Variants in ZSWIM4 observed in about 807,000 individuals in gnomAD.
ZSWIM4 encodes the protein zinc finger SWIM domain-containing protein 4.
A neutral mutation model predicts 102.5 loss-of-function variants in ZSWIM4; 62 were observed. The ratio of observed to expected loss-of-function variants is 0.60; its 90% CI spans 0.49 to 0.75. ZSWIM4 has a LOEUF of 0.75. ZSWIM4 is among the 30% of genes least tolerant of loss of function. The probability of loss-of-function intolerance (pLI) is 0.00; values close to 1 mark genes in which losing one functional copy is unlikely to be tolerated. For missense variants in ZSWIM4, 1,280 were observed against 1,529.6 expected (o/e 0.84, Z 2.72); for synonymous variants, 652 against 674.5 (o/e 0.97, Z 0.52).
Position 13,825,391 on chromosome 19 carries a change from T to C in ZSWIM4, c.2216-159T>C, listed in dbSNP as rs565064463. ...GATAATTGGCAAGGGCTAGGGGCAC[T>C]GAGGTCTGAATCTTCACAGAACCAT... On this transcript the variant is annotated intron_variant, in intron 11 of 13. Transcript: ENST00000590508. This position sits in a 1 kb window ranked among gnomAD's most constrained non-coding sequence, Gnocchi z 4.6. 6.6e-6 allele frequency among the ~76,000 whole-genome samples: 1 copy of C among 152,270 alleles called. No individual in the cohort carries two copies. Among genetic ancestry groups the C allele is most frequent in the East Asian group, 1.9e-4 (1 of 5,164 alleles).
At chr19:13,804,700 C>CTA in intron 2 of ZSWIM4, 92 bp from the exon 3 acceptor site, 5 of 1,040,128 alleles carry the variant, frequency 4.8e-6, no homozygotes, top group Non-Finnish European at 7.0e-6. Flanking sequence ...TGAAGTGACT[C>CTA]GGCTGGGCTT....
rs769943798 is a variant in ZSWIM4 at position 13,830,232 on chromosome 19, T to A, written c.2503T>A (p.Leu835Ile). ...LMNIMQNWYS[L>I]FTPVEAATIV... ...GAATATCATGCAGAACTGGTATTCC[T>A]TATTCACACCAGTGGAGGCGGCTAC... Residue 835 changes from leucine to isoleucine, a missense_variant, in exon 14 of 14, where the codon TTA becomes ATA. Coordinates refer to ENST00000590508, the MANE Select transcript of ZSWIM4 (RefSeq NM_001367834.3). 22 of 1,613,790 alleles carry A rather than the reference T, an allele frequency of 1.4e-5. No individual in the cohort carries two copies. The highest frequency in any genetic ancestry group is 1.8e-5 in the Non-Finnish European group (21 of 1,180,032).
rs1268642755 is a variant in ZSWIM4 at position 13,817,940 on chromosome 19, C to T, written c.1888C>T (p.Gln630Ter). ...GGTGGAGTTGGATGAGCGGTTGGTG[C>T]AGGTGCTGCGCAAGCAGGCGGGGCT... Reference protein sequence around the residue: ...EEVELDERLVQVLRKQAGLLL... With the variant: ...EEVELDERLV The change falls in exon 9 of 14, where the codon CAG becomes TAG. Residue 630 changes from glutamine (Q) to a stop codon, truncating the protein, a stop_gained. Coordinates refer to ENST00000590508, the MANE Select transcript of ZSWIM4 (RefSeq NM_001367834.3). LOFTEE classifies it high-confidence loss of function. The T allele has an allele frequency of 1.3e-6, 2 of 1,536,236 alleles. No individual in the cohort carries two copies. Among genetic ancestry groups the T allele is most frequent in the Non-Finnish European group, 1.8e-6 (2 of 1,139,586 alleles).
At chr19:13,822,979 CAA>C (rs113776275) in intron 10 of ZSWIM4, among the ~76,000 whole-genome samples, 62 of 112,886 alleles carry the variant, frequency 5.5e-4, no homozygotes, top group African/African-American at 1.5e-3. Context: ...AACTCCGTCT[CAA>C]AAAAAAAAAA....
intron 5 of ZSWIM4, among the ~76,000 whole-genome samples, chr19:13,811,797 C>T (rs554626692): frequency 4.6e-5 from 7 of 152,110 alleles, no homozygotes; most frequent in African/African-American, 7.2e-5. Flanking sequence ...AAAAATAGGC[C>T]GGGTGCAGTG....
chr19:13,830,936 C>A lies in ZSWIM4; in HGVS notation c.3207C>A (p.Thr1069=), dbSNP rs1407397438. ...AATTCCTGGGCAAGGCCCGGGAGACCTTCCTGCTGGCGCCCGACGGGCACC... is the reference window on the plus strand; with the variant it reads ...AATTCCTGGGCAAGGCCCGGGAGACATTCCTGCTGGCGCCCGACGGGCACC... ...FIEFLGKARE[T]FLLAPDGHLQ... is the part of the protein sequence containing the mutation. Residue 1069 remains threonine, a synonymous_variant, in exon 14 of 14, where the codon ACC becomes ACA. Transcript: ENST00000590508. 4 of 1,614,116 alleles carry A rather than the reference C, an allele frequency of 2.5e-6. No homozygotes were observed. The African/African-American group carries it at 5.3e-5, about 22-fold the overall frequency.
rs1246182968 is a variant in ZSWIM4, at chr19:13,825,212, G to A, written c.2216-338G>A. On this transcript the variant is annotated intron_variant, in intron 11 of 13. Transcript: ENST00000590508. The surrounding 1 kb of genome is among the most constrained non-coding windows in gnomAD (Gnocchi z 4.6). ...CCGCCACCATGCCCAGCTAATTTTT[G>A]TAGATGGGGTTTCGCCATGTTGGCC... 6.6e-6 allele frequency among the ~76,000 whole-genome samples: 1 copy of A among 151,882 alleles called. No homozygotes were observed. Among genetic ancestry groups the A allele is most frequent in the East Asian group, 1.9e-4 (1 of 5,170 alleles).
intron 1 of ZSWIM4, 49 bp downstream of exon 1, chr19:13,795,850 TCCCCACCTGTCTTCTCCTC>T: frequency 8.8e-7 from 1 of 1,142,672 alleles, no homozygotes; most frequent in Non-Finnish European, 1.1e-6. Flanking sequence ...CCCAGCACCT[TCCCCACCTGTCTTCTCCTC>T]CCCCACAATC....
intron 10 of ZSWIM4, among the ~76,000 whole-genome samples, chr19:13,819,847 GTT>G (rs869187893): frequency 8.4e-5 from 9 of 106,664 alleles, no homozygotes; most frequent in African/African-American, 1.5e-4. Flanking sequence ...TTTGTTTTTT[GTT>G]TTTTTTTTTT....
At chr19:13,823,287 C>A (rs1032373710) in intron 10 of ZSWIM4, 59 bp from the exon 11 acceptor site, 135 of 1,557,390 alleles carry the variant, frequency 8.7e-5, no homozygotes, top group Non-Finnish European at 1.1e-4. Flanking sequence ...TCTCTGTCTC[C>A]TAGAGAGAAT....
chr19:13,817,889 G>C lies in ZSWIM4; in HGVS notation c.1837G>C (p.Glu613Gln). 6 of 1,550,734 alleles carry C rather than the reference G, an allele frequency of 3.9e-6. No individual in the cohort carries two copies. Among genetic ancestry groups the C allele is most frequent in the Non-Finnish European group, 5.2e-6 (6 of 1,146,670 alleles). Residue 613 changes from glutamate (E) to glutamine (Q), a missense_variant, in exon 9 of 14, where the codon GAG becomes CAG. By Grantham distance (29) the Glu-to-Gln change is conservative. Coordinates refer to ENST00000590508, the MANE Select transcript of ZSWIM4 (RefSeq NM_001367834.3). ...CCAGGACAAGGTGGTGCGCAACGAGGAGCAGCTGCTGGCCCTGCTGGAGGA... is the reference window on the plus strand; with the variant it reads ...CCAGGACAAGGTGGTGCGCAACGAGCAGCAGCTGCTGGCCCTGCTGGAGGA... ...YAQDKVVRNE[E>Q]QLLALLEEVE...
intron 2 of ZSWIM4, among the ~76,000 whole-genome samples, chr19:13,801,058 G>A (rs2594719): frequency 0.45 from 67,907 of 151,642 alleles, 18,548 homozygotes; most frequent in African/African-American, 0.78. Context: ...CAGGAGGATC[G>A]CTTTTGCCCG....
At chr19:13,814,963 C>A in intron 7 of ZSWIM4, 98 bp downstream of exon 7, 2 of 691,020 alleles carry the variant, frequency 2.9e-6, no homozygotes, top group South Asian at 2.2e-5. Flanking sequence ...TCAACATCAG[C>A]CTGGGCAACA....
chr19:13,817,347 T>C lies in ZSWIM4; in HGVS notation c.1663T>C (p.Tyr555His), dbSNP rs776606416. 290 of 1,612,926 alleles carry C rather than the reference T, an allele frequency of 1.8e-4. No individual in the cohort carries two copies. The highest frequency in any genetic ancestry group is 2.4e-4 in the Non-Finnish European group (283 of 1,179,316). Residue 555 changes from tyrosine (Y) to histidine (H), a missense_variant, in exon 8 of 14, where the codon TAC becomes CAC. Physicochemically the swap from Tyr to His is moderately conservative, Grantham distance 83. Coordinates refer to ENST00000590508, the MANE Select transcript of ZSWIM4 (RefSeq NM_001367834.3). The part of the protein sequence containing the change: ...CRLEEETLTL[Y>H]PDSGPEKRKV... Reference sequence around the variant, plus strand: ...TCTGGAGGAGGAGACACTTACCCTTTACCCAGGTACTCACATGGGGTACTC... The same window carrying C: ...TCTGGAGGAGGAGACACTTACCCTTCACCCAGGTACTCACATGGGGTACTC...
Position 13,809,263 on chromosome 19 carries a change from G to A in ZSWIM4, c.1012+43G>A. On this transcript the variant is annotated intron_variant, in intron 5 of 13. Transcript: ENST00000590508. The surrounding 1 kb of genome is among the most constrained non-coding windows in gnomAD (Gnocchi z 4.2). ...GTGCGTGGTGGACACCGGGACTTCG[G>A]CTCCCATGGGGGCTGGCCCACTCCA... 1 of 1,556,584 alleles carries A rather than the reference G, an allele frequency of 6.4e-7. No individual in the cohort carries two copies.
chr19:13,819,550 T>G (rs962617223), intron 10 of ZSWIM4, 58 bp downstream of exon 10: 92 of 1,444,036 alleles, frequency 6.4e-5, no homozygotes, highest in African/African-American at 1.4e-5. Flanking sequence ...GGGGCGGGCA[T>G]GGGGGGTAGC....
chr19:13,829,105 GA>G (rs372717096), intron 13 of ZSWIM4, among the ~76,000 whole-genome samples: 5,876 of 143,246 alleles, frequency 0.041, 400 homozygotes, highest in African/African-American at 0.14. Context: ...CCTCCTCTGG[GA>G]AAAAAAAAAG....
chr19:13,806,464 C>G (rs1292434357), intron 3 of ZSWIM4, among the ~76,000 whole-genome samples: 1 of 151,918 alleles, frequency 6.6e-6, no homozygotes, highest in Admixed American at 6.6e-5. Context: ...ACCAGCAGTT[C>G]AAGACCGGCC....
At position 13,825,622 on chromosome 19, in the gene ZSWIM4, AGCTGGC is replaced by A; in HGVS notation, c.2291_2296del (p.Leu764_Ala765del). On this transcript the variant is annotated inframe_deletion, in exon 12 of 14. Coordinates refer to ENST00000590508, the MANE Select transcript of ZSWIM4 (RefSeq NM_001367834.3). This position sits in a 1 kb window ranked among gnomAD's most constrained non-coding sequence, Gnocchi z 4.6. ...ATCCACTCTCCGGCCCTGCTCTTTA[AGCTGGC>A]GCAGGACGCCTGCAAGACAGCCACC... The A allele has an allele frequency of 6.2e-7, 1 of 1,614,148 alleles. No individual in the cohort carries two copies. The highest frequency in any genetic ancestry group is 2.2e-5 in the East Asian group (1 of 44,876).
Sources: gnomAD v4.1 joint callset for allele counts (sites outside exome capture counted in the v4.1 genomes callset) on GRCh38, gnomAD v4.1.1 for gene constraint, Gnocchi (gnomAD v3.1) non-coding constraint, MANE v1.5 for transcripts, NCBI Gene and HGNC (gene_info 2026-07-23, HGNC 2026-07-21) for gene names.